Variants in DLC1 observed in about 807,000 individuals in gnomAD.
DLC1 encodes the protein DLC1 Rho GTPase activating protein, also known as rho GTPase-activating protein 7.
A neutral mutation model predicts 140.3 loss-of-function variants in DLC1; 54 were observed. The observed-to-expected ratio is 0.38, with a 90% confidence interval of 0.31 to 0.48. DLC1 has a LOEUF of 0.48. Among genes scored for constraint, DLC1 ranks in the 20% least tolerant of loss-of-function variants. The pLI, the probability that DLC1 is intolerant of heterozygous loss-of-function variation, is 0.96. For missense variants in DLC1, 2,536 were observed against 1,907.0 expected (o/e 1.33, Z -6.14); for synonymous variants, 986 against 728.1 (o/e 1.35, Z -5.70).
At position 13,115,528 on chromosome 8, in the gene DLC1, C is replaced by T. The variant is rs556871942; in HGVS notation, c.1420+58G>A. 6.1e-6 allele frequency: 9 copies of T among 1,469,292 alleles called. No individual in the cohort carries two copies. In the African/African-American group the frequency reaches 9.7e-5, roughly 16 times the overall value. 91.0% of individuals were successfully genotyped at this position (1,469,292 alleles called of 1,614,324 possible). A position where few individuals can be genotyped will look rare whatever the true frequency, so the allele number is the denominator to read the frequency against. On this transcript the variant is annotated intron_variant, in intron 6 of 17. Coordinates refer to ENST00000276297, the MANE Select transcript of DLC1 (RefSeq NM_182643.3). ...GAAAATAAGTCATAGATCAGTAATACTCGCGAACAAGGGATTATGATTATG... is the reference window on the plus strand; with the variant it reads ...GAAAATAAGTCATAGATCAGTAATATTCGCGAACAAGGGATTATGATTATG...
At chr8:13,275,509 A>T (rs1041686981) in intron 5 of DLC1, among the ~76,000 whole-genome samples, 5 of 152,172 alleles carry the variant, frequency 3.3e-5, no homozygotes, top group African/African-American at 1.2e-4. Context: ...CATAAACGCT[A>T]TTGGGAAACC....
At chr8:13,544,985 T>G (rs940208678) in intron 1 of DLC1, among the ~76,000 whole-genome samples, 1 of 152,146 alleles carries the variant, frequency 6.6e-6, no homozygotes, top group Non-Finnish European at 1.5e-5. Context: ...GCACCCCCCC[T>G]GGAACTGTGC....
chr8:13,155,337 C>G (rs540729032), intron 5 of DLC1, among the ~76,000 whole-genome samples: 131 of 148,184 alleles, frequency 8.8e-4, no homozygotes, highest in African/African-American at 2.8e-3. Context: ...GAGCACATGA[C>G]AAAACCACCT....
At chr8:13,339,713 C>A (rs750680303) in intron 4 of DLC1, 1 of 152,120 alleles carries the variant, frequency 6.6e-6, no homozygotes, top group Non-Finnish European at 1.5e-5. Context: ...AGAAAATAAT[C>A]CCTAGCTTTC....
chr8:13,561,767 T>A (rs1380839157), intron 1 of DLC1, among the ~76,000 whole-genome samples: 1 of 152,200 alleles, frequency 6.6e-6, no homozygotes, highest in Non-Finnish European at 1.5e-5. Context: ...ATGATAAATT[T>A]TATATATGTT....
chr8:13,505,629 C>A (rs1224796592), intron 1 of DLC1, among the ~76,000 whole-genome samples: 1 of 152,182 alleles, frequency 6.6e-6, no homozygotes, highest in East Asian at 1.9e-4. Flanking sequence ...CTCACCACAG[C>A]ATCCCCTCGC....
intron 5 of DLC1, chr8:13,133,153 GT>G: frequency 6.9e-7 from 1 of 1,444,620 alleles, no homozygotes. Context: ...AGAAAGCGGG[GT>G]TTTCTAAAGA....
intron 5 of DLC1, among the ~76,000 whole-genome samples, chr8:13,161,937 T>C (rs73663612): frequency 0.07 from 10,679 of 152,262 alleles, 1,212 homozygotes; most frequent in African/African-American, 0.24. Flanking sequence ...TATTAAAATA[T>C]AGGTAGAGGC....
In DLC1 at chr8:13,403,648, CT is replaced by C. The variant is rs1837392837; in HGVS notation, c.1024-2030del. 4.0e-5 allele frequency among the ~76,000 whole-genome samples: 6 copies of C among 151,394 alleles called. 1 individual carries two copies. The highest frequency in any genetic ancestry group is 4.0e-4 in the Admixed American group (6 of 15,184). The stretch of plus-strand genomic sequence containing the variant: ...CTTTCTCCCTTCCTTCCTTTTTTCC[CT>C]TTTTGCAACAAGGTCTCACTCTGTT... On this transcript the variant is annotated intron_variant, in intron 2 of 17. Coordinates refer to ENST00000276297, the MANE Select transcript of DLC1 (RefSeq NM_182643.3).
At chr8:13,145,895 A>C (rs1412679941) in intron 5 of DLC1, among the ~76,000 whole-genome samples, 1 of 152,206 alleles carries the variant, frequency 6.6e-6, no homozygotes, top group East Asian at 1.9e-4. Flanking sequence ...GGTAACTTTA[A>C]CAGGAAAGAA....
chr8:13,353,344 C>T (rs1443793045), intron 4 of DLC1: 3 of 152,056 alleles, frequency 2.0e-5, no homozygotes, highest in Non-Finnish European at 4.4e-5. Flanking sequence ...GTTTGAATTC[C>T]TATAATATCT....
At position 13,499,982 on chromosome 8, in the gene DLC1, T is replaced by A. The variant is rs1286489400; in HGVS notation, c.90A>T (p.Ala30=). 40 of 1,613,988 alleles carry A rather than the reference T, an allele frequency of 2.5e-5. No individual in the cohort carries two copies. Among genetic ancestry groups the A allele is most frequent in the Non-Finnish European group, 3.2e-5 (38 of 1,179,992 alleles). The part of the protein sequence containing the change: ...QPFNSDDRNT[A]CHHGLVADSL... ...TGTCAGCTACTAGTCCATGATGACA[T>A]GCTGTGTTACGATCATCAGAATTAA... Residue 30 remains alanine, a synonymous_variant, in exon 2 of 18, where the codon GCA becomes GCT. Coordinates refer to ENST00000276297, the MANE Select transcript of DLC1 (RefSeq NM_182643.3).
intron 1 of DLC1, among the ~76,000 whole-genome samples, chr8:13,596,019 C>A (rs1805669335): frequency 6.6e-6 from 1 of 152,012 alleles, no homozygotes; most frequent in South Asian, 2.1e-4. Context: ...ATATCTTCTA[C>A]ACTTTCACAT....
intron 1 of DLC1, among the ~76,000 whole-genome samples, chr8:13,593,714 G>A (rs1291945626): frequency 6.6e-6 from 1 of 152,050 alleles, no homozygotes; most frequent in Non-Finnish European, 1.5e-5. Context: ...AACCTTATTT[G>A]AAAACTTATT....
chr8:13,300,147 C>G lies in DLC1; in HGVS notation c.1348+5122G>C, dbSNP rs141715515. Among the ~76,000 whole-genome samples the G allele has an allele frequency of 7.2e-5, 11 of 152,260 alleles. No homozygotes were observed. The East Asian group carries it at 1.5e-3, about 21-fold the overall frequency. Reference sequence around the variant, plus strand: ...GTTCTTTGCAGGGACATGGATGAAGCTGAAAGCCATCATCTTCAGCAAACT... The same window carrying G: ...GTTCTTTGCAGGGACATGGATGAAGGTGAAAGCCATCATCTTCAGCAAACT... On this transcript the variant is annotated intron_variant, in intron 5 of 17. Coordinates refer to ENST00000276297, the MANE Select transcript of DLC1 (RefSeq NM_182643.3).
At chr8:13,213,163 A>C (rs1828025628) in intron 5 of DLC1, among the ~76,000 whole-genome samples, 1 of 152,154 alleles carries the variant, frequency 6.6e-6, no homozygotes, top group Non-Finnish European at 1.5e-5. Flanking sequence ...ACAGATAAGG[A>C]ATTTATAGGC....
At chr8:13,345,062 C>G (rs914401081) in intron 4 of DLC1, among the ~76,000 whole-genome samples, 4 of 152,196 alleles carry the variant, frequency 2.6e-5, no homozygotes, top group African/African-American at 7.2e-5. Flanking sequence ...TAGGGTGAGT[C>G]CCTTCCCTGG....
chr8:13,542,943 A>C (rs1218509163), intron 1 of DLC1, among the ~76,000 whole-genome samples: 1 of 152,050 alleles, frequency 6.6e-6, no homozygotes, highest in Admixed American at 6.5e-5. Flanking sequence ...ATTTTGGCAA[A>C]TGTTTTTCTG....
At chr8:13,143,338 G>A (rs755889294) in intron 5 of DLC1, among the ~76,000 whole-genome samples, 1 of 152,176 alleles carries the variant, frequency 6.6e-6, no homozygotes, top group Non-Finnish European at 1.5e-5. Flanking sequence ...ATCAAAAGGT[G>A]GAGTCAATGT....
Sources: gnomAD v4.1 joint callset for allele counts (sites outside exome capture counted in the v4.1 genomes callset) on GRCh38, gnomAD v4.1.1 for gene constraint, MANE v1.5 for transcripts, NCBI Gene and HGNC (gene_info 2026-07-23, HGNC 2026-07-21) for gene names.